NTRK3: variants seen among roughly 807,000 people sequenced by gnomAD.
NTRK3 encodes the protein neurotrophic receptor tyrosine kinase 3, also known as NT-3 growth factor receptor.
In NTRK3, 24 loss-of-function variants were observed where a neutral mutation model predicts 91.7. The observed-to-expected ratio is 0.26, with a 90% CI of 0.19 to 0.37. NTRK3 has a LOEUF of 0.37. Among genes scored for constraint, NTRK3 ranks in the 10% least tolerant of loss-of-function variants. The pLI, the probability that NTRK3 is intolerant of heterozygous loss-of-function variation, is 1.00. For missense variants in NTRK3, 880 were observed against 1,068.9 expected, an observed-to-expected ratio of 0.82 and a Z score of 2.46; for synonymous variants, 483 against 404.0, an observed-to-expected ratio of 1.20 and a Z score of -2.34.
chr15:88,171,128 G>A (rs1021743777), intron 5 of NTRK3, among the ~76,000 whole-genome samples: 38 of 152,188 alleles, frequency 2.5e-4, no homozygotes, highest in African/African-American at 9.2e-4. Flanking sequence ...AGCTGTCGGA[G>A]GAAGGGAGAG....
At chr15:87,863,327 G>C (rs2064574191) in exon 19 of NTRK3, 1 of 226,800 alleles carries the variant, frequency 4.4e-6, no homozygotes, top group Non-Finnish European at 8.8e-6. Context: ...TCCTAGTCTG[G>C]GAGGTCAATC....
chr15:88,095,099 T>C (rs1398047646), intron 13 of NTRK3, among the ~76,000 whole-genome samples: 1 of 152,224 alleles, frequency 6.6e-6, no homozygotes, highest in Non-Finnish European at 1.5e-5. Flanking sequence ...GACTCTGCCT[T>C]GGCAGCAATG....
chr15:88,134,964 A>C (rs1231447920), intron 10 of NTRK3, 137 bp downstream of exon 10: 2 of 1,054,416 alleles, frequency 1.9e-6, no homozygotes, highest in African/African-American at 3.1e-5. Flanking sequence ...GTGGTTGCAC[A>C]TGTTCCAGTG....
chr15:88,029,213 C>T (rs1014297365), intron 14 of NTRK3, among the ~76,000 whole-genome samples: 5 of 152,162 alleles, frequency 3.3e-5, no homozygotes, highest in Non-Finnish European at 5.9e-5. Flanking sequence ...ATCTTTATTC[C>T]GCTCTTTCGG....
chr15:88,032,135 G>C (rs1260297572), intron 14 of NTRK3, among the ~76,000 whole-genome samples: 1 of 152,136 alleles, frequency 6.6e-6, no homozygotes, highest in African/African-American at 2.4e-5. Context: ...GCTGGGCCCA[G>C]ATTGAACCTG....
At chr15:88,116,172 G>C (rs963789782) in intron 13 of NTRK3, among the ~76,000 whole-genome samples, 2 of 152,262 alleles carry the variant, frequency 1.3e-5, no homozygotes, top group Non-Finnish European at 2.9e-5. Flanking sequence ...TACAAGTCCC[G>C]TCATGTGGAA....
chr15:88,151,779 C>T (rs1040399390), intron 5 of NTRK3, among the ~76,000 whole-genome samples: 9 of 152,180 alleles, frequency 5.9e-5, no homozygotes, highest in Non-Finnish European at 1.0e-4. Flanking sequence ...TCCTCTTCTA[C>T]TGGTAGAGGC....
At chr15:88,126,602 G>C (rs775072985) in intron 12 of NTRK3, among the ~76,000 whole-genome samples, 1 of 152,184 alleles carries the variant, frequency 6.6e-6, no homozygotes, top group African/African-American at 2.4e-5. Flanking sequence ...ACGATTCAAT[G>C]TTCTGAGCCC....
At chr15:88,135,026 T>C in intron 10 of NTRK3, 75 bp downstream of exon 10, 1 of 1,553,152 alleles carries the variant, frequency 6.4e-7, no homozygotes, top group Non-Finnish European at 8.9e-7. Flanking sequence ...GCTTCTCCTC[T>C]CAAGCTACCA....
chr15:88,014,872 T>A (rs2077121241), intron 14 of NTRK3, among the ~76,000 whole-genome samples: 1 of 152,252 alleles, frequency 6.6e-6, no homozygotes, highest in Admixed American at 6.5e-5. Context: ...TTTAGAAATA[T>A]GCACAACAAA....
chr15:88,241,654 G>A lies in NTRK3; in HGVS notation c.248+14252C>T, dbSNP rs1162305193. Reference sequence around the variant, plus strand: ...CTGGGTGCTGGGAGCAGGAAGCGGGGCTACCCTTCAATACCACGTGGAGCT... The same window carrying A: ...CTGGGTGCTGGGAGCAGGAAGCGGGACTACCCTTCAATACCACGTGGAGCT... On this transcript the variant is annotated intron_variant, in intron 3 of 18. Transcript: ENST00000394480. This position sits in a 1 kb window ranked among gnomAD's most constrained non-coding sequence, Gnocchi z 4.3. Among the ~76,000 whole-genome samples, 1 of 152,048 alleles carries A rather than the reference G, an allele frequency of 6.6e-6. No individual in the cohort carries two copies. Among genetic ancestry groups the A allele is most frequent in the East Asian group, 1.9e-4 (1 of 5,172 alleles).
intron 13 of NTRK3, among the ~76,000 whole-genome samples, chr15:88,035,078 T>A (rs2078951618): frequency 6.6e-6 from 1 of 152,186 alleles, no homozygotes; most frequent in South Asian, 2.1e-4. Context: ...GAAAATAAGA[T>A]AGTTCAATAA....
At chr15:87,860,168 C>T (rs1409950071) in exon 19 of NTRK3, 6 of 222,412 alleles carry the variant, frequency 2.7e-5, no homozygotes, top group Non-Finnish European at 4.5e-5. Context: ...CCATAGATTC[C>T]GATGAAGACA....
At chr15:87,993,118 T>C (rs1036491320) in intron 14 of NTRK3, among the ~76,000 whole-genome samples, 3 of 152,242 alleles carry the variant, frequency 2.0e-5, no homozygotes, top group African/African-American at 7.2e-5. Flanking sequence ...CTACCCTGAC[T>C]TGGCCATATG....
intron 17 of NTRK3, among the ~76,000 whole-genome samples, chr15:87,880,868 C>T (rs2065205354): frequency 6.6e-6 from 1 of 152,224 alleles, no homozygotes; most frequent in Non-Finnish European, 1.5e-5. Flanking sequence ...ATCTGATCTG[C>T]AGAACTTTAG....
At position 88,237,982 on chromosome 15, in the gene NTRK3, T is replaced by C. The variant is rs1269607902; in HGVS notation, c.248+17924A>G. Among the ~76,000 whole-genome samples, 1 of 152,152 alleles carries C rather than the reference T, an allele frequency of 6.6e-6. No homozygotes were observed. The highest frequency in any genetic ancestry group is 1.5e-5 in the Non-Finnish European group (1 of 68,032). ...GGAGATAGGGTCTTTAAAGAAGTAA[T>C]TAAGTTTAAATGAGGTGATTGGGGT... On this transcript the variant is annotated intron_variant, in intron 3 of 18. Transcript: ENST00000394480. This position sits in a 1 kb window ranked among gnomAD's most constrained non-coding sequence, Gnocchi z 4.0.
intron 3 of NTRK3, among the ~76,000 whole-genome samples, chr15:88,206,514 C>T (rs1224004892): frequency 2.0e-5 from 3 of 150,300 alleles, no homozygotes; most frequent in Non-Finnish European, 4.4e-5. Context: ...AAAAATTAGC[C>T]GGGCGCGGTG....
rs201023403 is a variant in NTRK3 at position 88,011,000 on chromosome 15, T to TA, written c.1585+21856dup. On this transcript the variant is annotated intron_variant, in intron 14 of 18. Coordinates refer to ENST00000394480, the Ensembl canonical transcript of NTRK3. ...TCACACCACACTACCCATGAAGGGATAAAAAAAAATCCATCCTTTTGGACA... is the reference window on the plus strand; with the variant it reads ...TCACACCACACTACCCATGAAGGGATAAAAAAAAAATCCATCCTTTTGGACA... Among the ~76,000 whole-genome samples the TA allele has an allele frequency of 8.0e-4, 122 of 151,918 alleles. 1 individual carries two copies. Among genetic ancestry groups the TA allele is most frequent in the Non-Finnish European group, 1.3e-3 (90 of 67,916 alleles).
chr15:88,014,387 G>C (rs968165077), intron 14 of NTRK3, among the ~76,000 whole-genome samples: 1 of 152,136 alleles, frequency 6.6e-6, no homozygotes, highest in Non-Finnish European at 1.5e-5. Flanking sequence ...TGAACTATGT[G>C]TTTGGCCCTC....
Sources: allele counts gnomAD v4.1 joint callset (sites outside exome capture counted in the v4.1 genomes callset), GRCh38; gene constraint gnomAD v4.1.1; non-coding constraint Gnocchi (gnomAD v3.1); transcripts MANE v1.5; gene names NCBI Gene and HGNC (gene_info 2026-07-23, HGNC 2026-07-21).